Variants in TMEM201 observed in about 807,000 individuals in gnomAD.
The protein encoded by TMEM201 is RP13-15M17.2.
Under a neutral mutation model 63.4 loss-of-function variants are expected in TMEM201, and 26 were observed. The observed-to-expected ratio is 0.41, with a 90% CI of 0.30 to 0.57. The LOEUF (loss-of-function observed/expected upper bound fraction) is 0.57, where lower values mean the gene tolerates loss of function less well. Among genes scored for constraint, TMEM201 ranks in the 20% least tolerant of loss-of-function variants. The probability of loss-of-function intolerance (pLI) is 0.29; values close to 1 mark genes in which losing one functional copy is unlikely to be tolerated. For synonymous variants in TMEM201, 417 were observed against 421.6 expected, an observed-to-expected ratio of 0.99 and a Z score of 0.14; for missense variants, 794 against 917.7, an observed-to-expected ratio of 0.87 and a Z score of 1.74.
At chr1:9,612,564 T>G (rs1371075094) in intron 10 of TMEM201, among the ~76,000 whole-genome samples, 1 of 152,224 alleles carries the variant, frequency 6.6e-6, no homozygotes, top group Non-Finnish European at 1.5e-5. Flanking sequence ...CCCAGCAGCT[T>G]GGAGGCCTTG....
chr1:9,601,320 G>C lies in TMEM201; in HGVS notation c.822G>C (p.Leu274Phe). The C allele has an allele frequency of 6.2e-7, 1 of 1,609,364 alleles. No homozygotes were observed. The highest frequency in any genetic ancestry group is 8.5e-7 in the Non-Finnish European group (1 of 1,179,874). The change falls in exon 5 of 11, where the codon TTG becomes TTC. Residue 274 changes from leucine to phenylalanine, a missense_variant. Leu to Phe is a conservative substitution (Grantham distance 22). Transcript: ENST00000340381. The stretch of plus-strand genomic sequence containing the variant: ...CTGGGGCCGAGGGCTGGCGGCAGTT[G>C]CTGGGCCTACTCCCCGAGCACATGG... ...TTPGAEGWRQ[L>F]LGLLPEHMAE... is the part of the protein sequence containing the mutation.
chr1:9,602,711 T>C (rs974144251), intron 6 of TMEM201: 13 of 1,040,498 alleles, frequency 1.2e-5, no homozygotes, highest in Non-Finnish European at 1.5e-5. Flanking sequence ...TGCACAGGGG[T>C]GGTGACAGTG....
Position 9,604,253 on chromosome 1 carries a change from A to G in TMEM201, c.1160+1981A>G. The stretch of plus-strand genomic sequence containing the variant: ...TGTGCGTATTTAAATTAGATTATTT[A>G]TAATAACCAGAGCCAGCCCTCGCGC... On this transcript the variant is annotated intron_variant, in intron 6 of 10. Transcript: ENST00000340381. This position sits in a 1 kb window ranked among gnomAD's most constrained non-coding sequence, Gnocchi z 4.1. 1.0e-6 allele frequency: 1 copy of G among 985,470 alleles called. No individual in the cohort carries two copies. Among genetic ancestry groups the G allele is most frequent in the Non-Finnish European group, 1.2e-6 (1 of 829,944 alleles). 61.0% of individuals were successfully genotyped at this position (985,470 alleles called of 1,614,324 possible).
rs1405746905 is a variant in TMEM201 at position 9,605,032 on chromosome 1, T to C, written c.1161-2525T>C. On this transcript the variant is annotated intron_variant, in intron 6 of 10. Transcript: ENST00000340381. The surrounding 1 kb of genome is among the most constrained non-coding windows in gnomAD (Gnocchi z 5.7). ...GTGCCAGGGCTGGGGTGGGCAGCTGTGTTTGGGGTACAGACACGTCCACAG... is the reference window on the plus strand; with the variant it reads ...GTGCCAGGGCTGGGGTGGGCAGCTGCGTTTGGGGTACAGACACGTCCACAG... 7.1e-6 allele frequency: 7 copies of C among 985,456 alleles called. No homozygotes were observed. Among genetic ancestry groups the C allele is most frequent in the Non-Finnish European group, 8.4e-6 (7 of 829,836 alleles). 61.0% of individuals were successfully genotyped at this position (985,456 alleles called of 1,614,324 possible).
chr1:9,602,581 C>G, intron 6 of TMEM201: 1 of 1,294,638 alleles, frequency 7.7e-7, no homozygotes, highest in Non-Finnish European at 9.9e-7. Flanking sequence ...AGCGCCCACA[C>G]AGGCTCTGGC....
intron 4 of TMEM201, 67 bp downstream of exon 4, chr1:9,598,692 G>T: frequency 6.6e-7 from 1 of 1,526,000 alleles, no homozygotes; most frequent in Non-Finnish European, 8.9e-7. Context: ...CTCCCAGGAG[G>T]CTGGGCACTA....
rs1335712938 is a variant in TMEM201, at chr1:9,607,552, T to G, written c.1161-5T>G. On this transcript the variant is annotated splice_region_variant and splice_polypyrimidine_tract_variant and intron_variant, in intron 6 of 10. Transcript: ENST00000340381. This position sits in a 1 kb window ranked among gnomAD's most constrained non-coding sequence, Gnocchi z 5.4. ...TCTTGTCCCGTGCCTGACGGGCCCTTGCAGGTTCTTCCCAGGAGACTCTGC... is the reference window on the plus strand; with the variant it reads ...TCTTGTCCCGTGCCTGACGGGCCCTGGCAGGTTCTTCCCAGGAGACTCTGC... The G allele has an allele frequency of 6.5e-7, 1 of 1,545,022 alleles. No homozygotes were observed. The highest frequency in any genetic ancestry group is 8.7e-7 in the Non-Finnish European group (1 of 1,143,290).
rs950363202 is a variant in TMEM201, at chr1:9,603,660, TG to T, written c.1160+1395del. The T allele has an allele frequency of 1.0e-5, 10 of 985,032 alleles. No homozygotes were observed. Among genetic ancestry groups the T allele is most frequent in the Non-Finnish European group, 1.2e-5 (10 of 829,908 alleles). The allele number at this position is 985,032 out of a possible 1,614,324, so 61.0% of individuals were successfully genotyped here. A position where few individuals can be genotyped will look rare whatever the true frequency, so the allele number is the denominator to read the frequency against. ...GTCACCTGGGTCTGCCGGGATGGGT[TG>T]GGGGGGCAGGTGCCAGGCCTCACTG... On this transcript the variant is annotated intron_variant, in intron 6 of 10. Transcript: ENST00000340381. The surrounding 1 kb of genome is among the most constrained non-coding windows in gnomAD (Gnocchi z 4.5).
chr1:9,594,504 C>T (rs1266075942), intron 1 of TMEM201, among the ~76,000 whole-genome samples: 1 of 152,234 alleles, frequency 6.6e-6, no homozygotes, highest in Non-Finnish European at 1.5e-5. Context: ...CTAGGCCAGT[C>T]ACTGTTAAGT....
chr1:9,602,335 A>G (rs1042655240), intron 6 of TMEM201, 63 bp downstream of exon 6: 2 of 1,581,926 alleles, frequency 1.3e-6, no homozygotes, highest in African/African-American at 2.7e-5. Flanking sequence ...AGGCTTTGCC[A>G]GGTCCGAAGC....
At chr1:9,592,964 T>C (rs1297119029) in intron 1 of TMEM201, among the ~76,000 whole-genome samples, 1 of 152,222 alleles carries the variant, frequency 6.6e-6, no homozygotes, top group Non-Finnish European at 1.5e-5. Flanking sequence ...CTCTTGCTTG[T>C]GTTGCAGGGA....
Position 9,611,736 on chromosome 1 carries a change from C to T in TMEM201, c.1766-17C>T. The T allele has an allele frequency of 1.3e-6, 2 of 1,551,322 alleles. No homozygotes were observed. The highest frequency in any genetic ancestry group is 2.4e-5 in the East Asian group (1 of 40,920). The stretch of plus-strand genomic sequence containing the variant: ...GAGCCATGAGCGCCACTGAGAAACA[C>T]ACCCTTCTCTCTGCAGACCTGAGAT... On this transcript the variant is annotated splice_polypyrimidine_tract_variant and intron_variant, in intron 9 of 10. Coordinates refer to ENST00000340381, the MANE Select transcript of TMEM201 (RefSeq NM_001130924.3).
chr1:9,597,154 C>T, intron 3 of TMEM201, 101 bp downstream of exon 3: 2 of 1,350,750 alleles, frequency 1.5e-6, no homozygotes, highest in South Asian at 1.5e-5. Flanking sequence ...GGTCCTCTGG[C>T]CCCTGCTCTG....
intron 1 of TMEM201, among the ~76,000 whole-genome samples, chr1:9,595,425 C>G (rs1284913224): frequency 1.3e-5 from 2 of 152,112 alleles, no homozygotes; most frequent in Admixed American, 1.3e-4. Context: ...TGGGGCGCAC[C>G]CTTTCTGCAG....
chr1:9,601,539 T>C lies in TMEM201; in HGVS notation c.956+85T>C, dbSNP rs189205292. ...CTAGGGCGGGGGCCAAGAGACCCCA[T>C]TGGGTGCACAGCCCTAGGCTGAACT... On this transcript the variant is annotated intron_variant, in intron 5 of 10. Transcript: ENST00000340381. 2.4e-4 allele frequency: 315 copies of C among 1,298,674 alleles called. 1 individual carries two copies. In the African/African-American group the frequency reaches 2.8e-3, roughly 11 times the overall value. 80.4% of individuals were successfully genotyped at this position (1,298,674 alleles called of 1,614,324 possible). A position where few individuals can be genotyped will look rare whatever the true frequency, so the allele number is the denominator to read the frequency against.
Position 9,607,856 on chromosome 1 carries a change from G to T in TMEM201, c.1393+67G>T. On this transcript the variant is annotated intron_variant, in intron 7 of 10. Transcript: ENST00000340381. This position sits in a 1 kb window ranked among gnomAD's most constrained non-coding sequence, Gnocchi z 5.4. ...GCAGCTGGGACAGAACTGTGGATGGGTACATAGTGTAGGGAGGGCCGGGAG... is the reference window on the plus strand; with the variant it reads ...GCAGCTGGGACAGAACTGTGGATGGTTACATAGTGTAGGGAGGGCCGGGAG... 7.0e-7 allele frequency: 1 copy of T among 1,422,764 alleles called. No homozygotes were observed. Among genetic ancestry groups the T allele is most frequent in the Non-Finnish European group, 9.6e-7 (1 of 1,043,736 alleles). The allele number at this position is 1,422,764 out of a possible 1,614,324, so 88.1% of individuals were successfully genotyped here. A position where few individuals can be genotyped will look rare whatever the true frequency, so the allele number is the denominator to read the frequency against.
chr1:9,594,342 G>A (rs1011471530), intron 1 of TMEM201, among the ~76,000 whole-genome samples: 1 of 152,236 alleles, frequency 6.6e-6, no homozygotes, highest in African/African-American at 2.4e-5. Context: ...GGCAGGGGGT[G>A]TGGGGTGAGA....
chr1:9,601,310 G>A lies in TMEM201; in HGVS notation c.812G>A (p.Trp271Ter). The change falls in exon 5 of 11, where the codon TGG becomes TAG. Residue 271 changes from tryptophan (W) to a stop codon, truncating the protein, a stop_gained. Transcript: ENST00000340381. LOFTEE classifies it high-confidence loss of function. The part of the protein sequence containing the change: ...DNGTTPGAEG[W>*]RQLLGLLPEH... ...GGCACCACCCCTGGGGCCGAGGGCT[G>A]GCGGCAGTTGCTGGGCCTACTCCCC... 1 of 1,609,716 alleles carries A rather than the reference G, an allele frequency of 6.2e-7. No individual in the cohort carries two copies. Among genetic ancestry groups the A allele is most frequent in the Non-Finnish European group, 8.5e-7 (1 of 1,179,860 alleles).
Position 9,595,269 on chromosome 1 carries a change from G to A in TMEM201, c.114-621G>A, listed in dbSNP as rs114834479. On this transcript the variant is annotated intron_variant, in intron 1 of 10. Transcript: ENST00000340381. The stretch of plus-strand genomic sequence containing the variant: ...ACCTGTCACCACACGTGTAGCCAGC[G>A]AGGGCCACTGTCCTCTCCACCAGAG... Among the ~76,000 whole-genome samples, 580 of 152,300 alleles carry A rather than the reference G, an allele frequency of 3.8e-3. 2 individuals are homozygous for A. Among genetic ancestry groups the A allele is most frequent in the African/African-American group, 0.014 (567 of 41,568 alleles).
Sources: allele counts gnomAD v4.1 joint callset (sites outside exome capture counted in the v4.1 genomes callset), GRCh38; gene constraint gnomAD v4.1.1; non-coding constraint Gnocchi (gnomAD v3.1); transcripts MANE v1.5; gene names NCBI Gene and HGNC (gene_info 2026-07-23, HGNC 2026-07-21).